RUNX2: variants seen among roughly 807,000 people sequenced by gnomAD.
RUNX2 encodes RUNX family transcription factor 2.
A neutral mutation model predicts 51.7 loss-of-function variants in RUNX2; 10 were observed. The ratio of observed to expected loss-of-function variants is 0.19; its 90% confidence interval spans 0.12 to 0.33. RUNX2 has a LOEUF of 0.33. Among genes scored for constraint, RUNX2 ranks in the 10% least tolerant of loss-of-function variants. The pLI, the probability that RUNX2 is intolerant of heterozygous loss-of-function variation, is 1.00. For missense variants in RUNX2, 562 were observed against 691.3 expected (o/e 0.81, Z 2.10); for synonymous variants, 276 against 273.6 (o/e 1.01, Z -0.09).
chr6:45,546,960 CATGTCCCTCGGT>C lies in RUNX2; in HGVS notation c.1228_1239del (p.Leu410_Ser413del). On this transcript the variant is annotated inframe_deletion, in exon 9 of 9. Transcript: ENST00000647337. The stretch of plus-strand genomic sequence containing the variant: ...CTTACACCCCGCCAGTCACCTCAGG[CATGTCCCTCGGT>C]ATGTCCGCCACCACTCACTACCACA... 6.2e-7 allele frequency: 1 copy of C among 1,614,040 alleles called. No homozygotes were observed. The highest frequency in any genetic ancestry group is 8.5e-7 in the Non-Finnish European group (1 of 1,179,996).
intron 7 of RUNX2, among the ~76,000 whole-genome samples, chr6:45,541,367 G>A (rs912669035): frequency 4.6e-5 from 7 of 152,114 alleles, no homozygotes; most frequent in Non-Finnish European, 1.0e-4. Context: ...AAGTAAAATA[G>A]GAAATTAAAT....
chr6:45,514,123 A>G (rs558051161), intron 7 of RUNX2, among the ~76,000 whole-genome samples: 1 of 152,294 alleles, frequency 6.6e-6, no homozygotes, highest in Admixed American at 6.5e-5. Flanking sequence ...AGTACCTACA[A>G]GAAAAAAACC....
At chr6:45,464,596 T>C (rs1799570700) in intron 5 of RUNX2, among the ~76,000 whole-genome samples, 1 of 152,216 alleles carries the variant, frequency 6.6e-6, no homozygotes, top group African/African-American at 2.4e-5. Context: ...TCTACAGAGC[T>C]GGAAAAACCA....
At chr6:45,361,906 C>T (rs1330140162) in intron 2 of RUNX2, among the ~76,000 whole-genome samples, 1 of 152,076 alleles carries the variant, frequency 6.6e-6, no homozygotes, top group Non-Finnish European at 1.5e-5. Context: ...CAAAAATCAG[C>T]CTGGCGTGGT....
chr6:45,445,844 G>C (rs1426567555), intron 5 of RUNX2, among the ~76,000 whole-genome samples: 1 of 152,108 alleles, frequency 6.6e-6, no homozygotes, highest in Non-Finnish European at 1.5e-5. Context: ...GGATGGGTCA[G>C]AAGCGCTGGT....
At chr6:45,437,884 C>T (rs1798729427) in intron 4 of RUNX2, 63 bp from the exon 5 acceptor site, 2 of 1,171,158 alleles carry the variant, frequency 1.7e-6, no homozygotes, top group Admixed American at 3.4e-5. Flanking sequence ...ATCTATGCTG[C>T]TGTGTAATCA....
At chr6:45,546,704 T>C (rs1802411556) in intron 8 of RUNX2, 123 bp from the exon 9 acceptor site, 2 of 825,882 alleles carry the variant, frequency 2.4e-6, no homozygotes, top group Admixed American at 4.1e-5. Flanking sequence ...AAGGTCTGTC[T>C]GTGGCTTGCT....
At chr6:45,527,267 A>C (rs1582208647) in intron 7 of RUNX2, among the ~76,000 whole-genome samples, 1 of 152,350 alleles carries the variant, frequency 6.6e-6, no homozygotes, top group East Asian at 1.9e-4. Flanking sequence ...GGGCCACTAC[A>C]GGTCAAGATC....
chr6:45,512,297 C>T lies in RUNX2; in HGVS notation c.911C>T (p.Pro304Leu), dbSNP rs748242152. 1.2e-6 allele frequency: 2 copies of T among 1,614,158 alleles called. No individual in the cohort carries two copies. Among genetic ancestry groups the T allele is most frequent in the Non-Finnish European group, 8.5e-7 (1 of 1,180,014 alleles). The part of the protein sequence containing the change: ...SPPWSYDQSY[P>L]SYLSQMTSPS... ...CCGTGGTCCTATGACCAGTCTTACCCCTCCTACCTGAGCCAGATGACGTCC... is the reference window on the plus strand; with the variant it reads ...CCGTGGTCCTATGACCAGTCTTACCTCTCCTACCTGAGCCAGATGACGTCC... Residue 304 changes from proline to leucine, a missense_variant, in exon 7 of 9, where the codon CCC (proline) becomes CTC (leucine). By Grantham distance (98) the Pro-to-Leu change is moderately conservative. Coordinates refer to ENST00000647337, the MANE Select transcript of RUNX2 (RefSeq NM_001024630.4).
chr6:45,413,236 A>G (rs777766960), intron 2 of RUNX2, among the ~76,000 whole-genome samples: 49 of 152,198 alleles, frequency 3.2e-4, no homozygotes, highest in Non-Finnish European at 4.4e-5. Flanking sequence ...AGACGGAAAC[A>G]ACAAAACAGG....
intron 5 of RUNX2, among the ~76,000 whole-genome samples, chr6:45,484,839 A>T (rs1800220114): frequency 6.6e-6 from 1 of 152,236 alleles, no homozygotes; most frequent in Admixed American, 6.5e-5. Context: ...TTAGAAGTGA[A>T]GGATCTCATT....
intron 2 of RUNX2, among the ~76,000 whole-genome samples, chr6:45,383,268 C>T (rs1328414538): frequency 6.6e-6 from 1 of 151,526 alleles, no homozygotes; most frequent in Non-Finnish European, 1.5e-5. Flanking sequence ...CTCATCTCTA[C>T]AAAAAAAACA....
At chr6:45,505,273 G>A (rs755862375) in intron 6 of RUNX2, among the ~76,000 whole-genome samples, 21 of 151,952 alleles carry the variant, frequency 1.4e-4, no homozygotes, top group Non-Finnish European at 2.6e-4. Context: ...AAAGCTCTCT[G>A]CCTGCTCTGC....
chr6:45,328,486 T>G, intron 1 of RUNX2, 26 bp downstream of exon 1: 1 of 1,505,432 alleles, frequency 6.6e-7, no homozygotes, highest in Non-Finnish European at 9.0e-7. Flanking sequence ...CCACAGTCTA[T>G]GCAGTAATAG....
chr6:45,426,452 A>G (rs1240161061), intron 3 of RUNX2, among the ~76,000 whole-genome samples: 1 of 152,212 alleles, frequency 6.6e-6, no homozygotes, highest in Non-Finnish European at 1.5e-5. Context: ...CCATGCATCC[A>G]GTAGCACCCT....
At chr6:45,362,738 A>G (rs1794474046) in intron 2 of RUNX2, among the ~76,000 whole-genome samples, 1 of 152,206 alleles carries the variant, frequency 6.6e-6, no homozygotes, top group African/African-American at 2.4e-5. Flanking sequence ...GCTGTAGCCA[A>G]CAATAACTTT....
chr6:45,499,831 A>G (rs1194117435), intron 6 of RUNX2, among the ~76,000 whole-genome samples: 1 of 152,104 alleles, frequency 6.6e-6, no homozygotes, highest in African/African-American at 2.4e-5. Context: ...TTAACTCTCC[A>G]TGCAGAGGAA....
rs146105620 is a variant in RUNX2, at chr6:45,372,894, T to C, written c.58+44110T>C. Among the ~76,000 whole-genome samples the C allele has an allele frequency of 3.9e-3, 593 of 152,250 alleles. 7 individuals are homozygous for C. The highest frequency in any genetic ancestry group is 0.014 in the African/African-American group (565 of 41,556). ...GTGTAATGGCACAATCTTGGCTCAC[T>C]GCAACCTCCGCCTCCAGGGTTCAAG... is the stretch of plus-strand genomic sequence containing the variant. On this transcript the variant is annotated intron_variant, in intron 2 of 8. Coordinates refer to ENST00000647337, the MANE Select transcript of RUNX2 (RefSeq NM_001024630.4).
intron 2 of RUNX2, among the ~76,000 whole-genome samples, chr6:45,387,467 A>T (rs528320353): frequency 5.3e-5 from 8 of 152,324 alleles, no homozygotes; most frequent in African/African-American, 1.9e-4. Flanking sequence ...TCTCGCAAGA[A>T]TCTGTGTGGG....
Sources: gnomAD v4.1 joint callset for allele counts (sites outside exome capture counted in the v4.1 genomes callset) on GRCh38, gnomAD v4.1.1 for gene constraint, MANE v1.5 for transcripts, NCBI Gene and HGNC (gene_info 2026-07-23, HGNC 2026-07-21) for gene names.